FAT3: variants seen among roughly 807,000 people sequenced by gnomAD.
The protein encoded by FAT3 is protocadherin Fat 3.
A neutral mutation model predicts 310.2 loss-of-function variants in FAT3; 95 were observed. The observed-to-expected ratio is 0.31, with a 90% CI of 0.26 to 0.36. The LOEUF is 0.36. Ranked by LOEUF, FAT3 falls within the 10% of genes least tolerant of loss-of-function variation. FAT3 has a pLI of 1.00. For missense variants in FAT3, 5,408 were observed against 5,715.6 expected (o/e 0.95, Z 1.74); for synonymous variants, 2,314 against 2,192.9 (o/e 1.06, Z -1.54).
intron 2 of FAT3, among the ~76,000 whole-genome samples, chr11:92,373,094 T>C (rs927425717): frequency 6.6e-6 from 1 of 151,944 alleles, no homozygotes; most frequent in African/African-American, 2.4e-5. Context: ...AGTGAAGGAG[T>C]TTGGGAATTT....
chr11:92,724,094 G>A (rs149855998), intron 4 of FAT3, among the ~76,000 whole-genome samples: 2 of 152,302 alleles, frequency 1.3e-5, no homozygotes, highest in African/African-American at 2.4e-5. Context: ...TGGGTTGTTG[G>A]TGGGTTGTGT....
Position 92,887,771 on chromosome 11 carries a change from T to C in FAT3, c.13051+658T>C, listed in dbSNP as rs141734447. 5.1e-3 allele frequency among the ~76,000 whole-genome samples: 781 copies of C among 152,312 alleles called. 3 individuals are homozygous for C. Among genetic ancestry groups the C allele is most frequent in the Middle Eastern group, 0.014 (4 of 294 alleles). Reference sequence around the variant, plus strand: ...GGTGCTAATGTTGGACTGGGTTTTCTGAGCTGAGGAACCAGCTTCGGAGGA... The same window carrying C: ...GGTGCTAATGTTGGACTGGGTTTTCCGAGCTGAGGAACCAGCTTCGGAGGA... On this transcript the variant is annotated intron_variant, in intron 25 of 27. Transcript: ENST00000525166.
intron 3 of FAT3, among the ~76,000 whole-genome samples, chr11:92,656,947 G>T (rs1942601632): frequency 6.6e-6 from 1 of 151,314 alleles, no homozygotes; most frequent in Non-Finnish European, 1.5e-5. Context: ...TTACAGACTG[G>T]AGTATGTGTG....
At chr11:92,636,743 C>T (rs942511694) in intron 3 of FAT3, among the ~76,000 whole-genome samples, 4 of 152,142 alleles carry the variant, frequency 2.6e-5, no homozygotes, top group Non-Finnish European at 4.4e-5. Flanking sequence ...TTTGTTTAGG[C>T]GAGTAGTGTA....
intron 1 of FAT3, among the ~76,000 whole-genome samples, chr11:92,247,908 G>A (rs960985804): frequency 4.6e-5 from 7 of 151,970 alleles, no homozygotes; most frequent in African/African-American, 1.7e-4. Context: ...GTTTGAGGCT[G>A]TAGTGTGCTG....
intron 2 of FAT3, among the ~76,000 whole-genome samples, chr11:92,474,917 T>C (rs921945865): frequency 1.3e-5 from 2 of 152,254 alleles, no homozygotes; most frequent in African/African-American, 2.4e-5. Flanking sequence ...ATTGTATTCA[T>C]GGCTTGTTCT....
chr11:92,587,353 C>G (rs1939207420), intron 3 of FAT3, among the ~76,000 whole-genome samples: 1 of 151,896 alleles, frequency 6.6e-6, no homozygotes, highest in East Asian at 1.9e-4. Flanking sequence ...ACACTTTTTA[C>G]CATTATTTAA....
chr11:92,836,805 A>T, intron 16 of FAT3, 102 bp downstream of exon 16: 1 of 1,349,402 alleles, frequency 7.4e-7, no homozygotes, highest in Non-Finnish European at 1.0e-6. Flanking sequence ...TCTCCATTCT[A>T]AGTAATGAGA....
chr11:92,249,086 TA>T (rs1196436361), intron 1 of FAT3, among the ~76,000 whole-genome samples: 1 of 151,404 alleles, frequency 6.6e-6, no homozygotes, highest in East Asian at 1.9e-4. Flanking sequence ...CATTTAAGGG[TA>T]AATTTTAAGG....
intron 4 of FAT3, among the ~76,000 whole-genome samples, chr11:92,719,656 A>G (rs1431873801): frequency 6.6e-6 from 1 of 151,840 alleles, no homozygotes. Flanking sequence ...TCTTCTCCAA[A>G]TATTTTTTAT....
intron 3 of FAT3, among the ~76,000 whole-genome samples, chr11:92,668,830 A>C (rs1039617224): frequency 6.6e-6 from 1 of 152,206 alleles, no homozygotes; most frequent in African/African-American, 2.4e-5. Context: ...CTAAGCTTTA[A>C]TATTCTGTGG....
At chr11:92,291,186 T>G (rs1332416723) in intron 1 of FAT3, among the ~76,000 whole-genome samples, 1 of 151,782 alleles carries the variant, frequency 6.6e-6, no homozygotes, top group African/African-American at 2.4e-5. Flanking sequence ...TTGAAAGAGC[T>G]TATGTAACTT....
chr11:92,390,241 C>T (rs1949718737), intron 2 of FAT3, among the ~76,000 whole-genome samples: 1 of 152,094 alleles, frequency 6.6e-6, no homozygotes, highest in Admixed American at 6.5e-5. Flanking sequence ...ATATAATCCT[C>T]CCAAGACTAG....
intron 3 of FAT3, among the ~76,000 whole-genome samples, chr11:92,677,181 C>T (rs1943312934): frequency 6.6e-6 from 1 of 152,196 alleles, no homozygotes; most frequent in South Asian, 2.1e-4. Context: ...CGCTCTAGAG[C>T]TTTTTCCATT....
intron 3 of FAT3, among the ~76,000 whole-genome samples, chr11:92,690,390 G>A (rs1044990782): frequency 1.3e-5 from 2 of 152,124 alleles, no homozygotes; most frequent in African/African-American, 4.8e-5. Flanking sequence ...TAAGCTCCAT[G>A]GGTGATTTCC....
chr11:92,655,774 G>T (rs1942559568), intron 3 of FAT3, among the ~76,000 whole-genome samples: 1 of 151,968 alleles, frequency 6.6e-6, no homozygotes, highest in African/African-American at 2.4e-5. Context: ...TGCCGTCAAT[G>T]GACCAAACAT....
chr11:92,267,319 A>G (rs901892341), intron 1 of FAT3, among the ~76,000 whole-genome samples: 4 of 152,196 alleles, frequency 2.6e-5, no homozygotes, highest in South Asian at 2.1e-4. Flanking sequence ...AAGAATTTCT[A>G]AGTAAATGCT....
Position 92,880,744 on chromosome 11 carries a change from C to G in FAT3, c.12141C>G (p.Thr4047=), listed in dbSNP as rs1368660402. Residue 4047 remains threonine, a synonymous_variant, in exon 23 of 28, where the codon ACC becomes ACG. Coordinates refer to ENST00000525166, the MANE Select transcript of FAT3 (RefSeq NM_001367949.2). ...TGLPSGGYQC[T]CLSQFTGRNC... ...CTGTTTCCCCAGGCTATCAGTGTAC[C>G]TGTCTCTCACAGTTTACGGGGAGAA... is the stretch of plus-strand genomic sequence containing the variant. The G allele has an allele frequency of 1.2e-6, 2 of 1,613,430 alleles. No homozygotes were observed. The highest frequency in any genetic ancestry group is 1.7e-5 in the Admixed American group (1 of 59,958).
At chr11:92,229,510 T>TTTTTTTTTTTTTTTTTTTTTTTTC (rs1440088788) in intron 1 of FAT3, among the ~76,000 whole-genome samples, 3 of 77,142 alleles carry the variant, frequency 3.9e-5, no homozygotes, top group African/African-American at 1.2e-4. Context: ...TTTTTTTGTT[T>TTTTTTTTTTTTTTTTTTTTTTTTC]TTTGTTTTTT....
Sources: gnomAD v4.1 joint callset for allele counts (sites outside exome capture counted in the v4.1 genomes callset) on GRCh38, gnomAD v4.1.1 for gene constraint, MANE v1.5 for transcripts, NCBI Gene and HGNC (gene_info 2026-07-23, HGNC 2026-07-21) for gene names.